EPB41L3: variants seen among roughly 807,000 people sequenced by gnomAD.
EPB41L3 encodes band 4.1-like protein 3.
A neutral mutation model predicts 127.1 loss-of-function variants in EPB41L3; 57 were observed. The ratio of observed to expected loss-of-function variants is 0.45; its 90% CI spans 0.36 to 0.56. EPB41L3 has a LOEUF of 0.56. Ranked by LOEUF, EPB41L3 falls within the 20% of genes least tolerant of loss-of-function variation. The pLI is 0.00. For synonymous variants in EPB41L3, 572 were observed against 549.5 expected, an observed-to-expected ratio of 1.04 and a Z score of -0.57; for missense variants, 1,273 against 1,372.2, an observed-to-expected ratio of 0.93 and a Z score of 1.14.
At chr18:5,474,091 C>T (rs1016008428) in intron 3 of EPB41L3, among the ~76,000 whole-genome samples, 2 of 151,804 alleles carry the variant, frequency 1.3e-5, no homozygotes, top group East Asian at 1.9e-4. Flanking sequence ...ATTAGCCGGG[C>T]GTGGTGGTGG....
At chr18:5,508,628 A>G (rs2092348851) in intron 1 of EPB41L3, among the ~76,000 whole-genome samples, 1 of 151,864 alleles carries the variant, frequency 6.6e-6, no homozygotes, top group Admixed American at 6.6e-5. Context: ...TTAGCCGGGC[A>G]TGGAGGCAGG....
chr18:5,594,439 A>G (rs1302708972), intron 3 of EPB41L3, among the ~76,000 whole-genome samples: 1 of 152,254 alleles, frequency 6.6e-6, no homozygotes, highest in Non-Finnish European at 1.5e-5. Context: ...TAAGAGGTAC[A>G]TAAGAAAATA....
chr18:5,543,436 T>C lies in EPB41L3; in HGVS notation c.-12+477A>G, dbSNP rs1277230704. On this transcript the variant is annotated intron_variant, in intron 1 of 22. Coordinates refer to ENST00000341928, the MANE Select transcript of EPB41L3 (RefSeq NM_012307.5). This position sits in a 1 kb window ranked among gnomAD's most constrained non-coding sequence, Gnocchi z 5.2. Reference sequence around the variant, plus strand: ...GCCACCCGCCCGGGCGGCGCCGCAGTGTCGCCCCCTGTCCCCCGCACCTCC... The same window carrying C: ...GCCACCCGCCCGGGCGGCGCCGCAGCGTCGCCCCCTGTCCCCCGCACCTCC... 6.9e-6 allele frequency: 1 copy of C among 145,852 alleles called. No individual in the cohort carries two copies. The highest frequency in any genetic ancestry group is 2.0e-4 in the East Asian group (1 of 4,906). The allele number at this position is 145,852 out of a possible 1,614,324, so 9.0% of individuals were successfully genotyped here.
chr18:5,502,155 A>G (rs536562711), intron 1 of EPB41L3, among the ~76,000 whole-genome samples: 1 of 152,212 alleles, frequency 6.6e-6, no homozygotes, highest in Non-Finnish European at 1.5e-5. Context: ...TGTCCCACAC[A>G]ATGGACAAAA....
chr18:5,610,803 A>C (rs911630774), intron 3 of EPB41L3, among the ~76,000 whole-genome samples: 1 of 152,232 alleles, frequency 6.6e-6, no homozygotes, highest in Non-Finnish European at 1.5e-5. Flanking sequence ...ATAAGTTATT[A>C]TTATCTTTTT....
intron 5 of EPB41L3, among the ~76,000 whole-genome samples, chr18:5,442,583 A>G (rs1488401252): frequency 6.6e-6 from 1 of 152,200 alleles, no homozygotes; most frequent in African/African-American, 2.4e-5. Context: ...TTTTAATAGT[A>G]AACTGTTGAA....
chr18:5,425,485 G>T (rs1283563587), intron 9 of EPB41L3, among the ~76,000 whole-genome samples: 1 of 152,076 alleles, frequency 6.6e-6, no homozygotes, highest in African/African-American at 2.4e-5. Flanking sequence ...CACATATTAC[G>T]CCAATGCCAG....
chr18:5,464,396 C>T (rs937484074), intron 3 of EPB41L3, among the ~76,000 whole-genome samples: 1 of 152,148 alleles, frequency 6.6e-6, no homozygotes, highest in African/African-American at 2.4e-5. Flanking sequence ...GATCTGTGGT[C>T]AGGCTTTCTA....
intron 5 of EPB41L3, among the ~76,000 whole-genome samples, chr18:5,440,656 A>G (rs927952407): frequency 2.0e-5 from 3 of 152,250 alleles, no homozygotes; most frequent in Non-Finnish European, 4.4e-5. Context: ...GTTCATTCTT[A>G]TGAAAAATTT....
chr18:5,581,444 C>T (rs1453403411), intron 3 of EPB41L3, among the ~76,000 whole-genome samples: 1 of 152,072 alleles, frequency 6.6e-6, no homozygotes, highest in East Asian at 1.9e-4. Context: ...AAGGTAAATA[C>T]GTTATCATTT....
intron 1 of EPB41L3, among the ~76,000 whole-genome samples, chr18:5,493,724 A>G (rs1330333358): frequency 6.6e-6 from 1 of 152,038 alleles, no homozygotes; most frequent in African/African-American, 2.4e-5. Flanking sequence ...TTCTGGAAGG[A>G]ATTTTCTTCT....
At chr18:5,583,949 C>T (rs999164870) in intron 3 of EPB41L3, among the ~76,000 whole-genome samples, 29 of 152,148 alleles carry the variant, frequency 1.9e-4, no homozygotes, top group Admixed American at 1.8e-3. Context: ...GCTGGGATTA[C>T]AGGCATGCGC....
chr18:5,397,277 C>G lies in EPB41L3; in HGVS notation c.2622G>C (p.Ala874=), dbSNP rs372107087. Residue 874 remains alanine, a synonymous_variant, in exon 18 of 23, where the codon GCG becomes GCC. Transcript: ENST00000341928. This position sits in a 1 kb window ranked among gnomAD's most constrained non-coding sequence, Gnocchi z 4.1. ...GTGCTGCAGCATCCCCGCTGTCTCC[C>G]GCCGAGTAAGAAGCATCCCCACTCG... ...VHASGDASYS[A]GDSGDAAAQP... The G allele has an allele frequency of 4.0e-5, 65 of 1,614,140 alleles. No individual in the cohort carries two copies. The highest frequency in any genetic ancestry group is 1.7e-4 in the Middle Eastern group (1 of 6,060).
chr18:5,490,269 C>A (rs556330868), intron 1 of EPB41L3, among the ~76,000 whole-genome samples: 1 of 152,118 alleles, frequency 6.6e-6, no homozygotes, highest in Non-Finnish European at 1.5e-5. Flanking sequence ...TATTGTCATA[C>A]AATTTCCCTT....
At chr18:5,400,127 G>A (rs55997318) in intron 16 of EPB41L3, 3,740 of 159,378 alleles carry the variant, frequency 0.023, 70 homozygotes, top group South Asian at 0.07. Flanking sequence ...ACAGGCACAT[G>A]CCATTGTGCC....
At chr18:5,546,417 G>A (rs1297415994), upstream of EPB41L3, among the ~76,000 whole-genome samples, 2 of 151,966 alleles carry the variant, frequency 1.3e-5, no homozygotes, top group African/African-American at 4.8e-5. Context: ...TGTAATCCCA[G>A]CTACTCAGGA....
At chr18:5,448,088 C>T (rs909520608) in intron 3 of EPB41L3, among the ~76,000 whole-genome samples, 8 of 152,184 alleles carry the variant, frequency 5.3e-5, no homozygotes, top group African/African-American at 1.9e-4. Context: ...TTATTCGGGC[C>T]TCCATTTTCT....
intron 3 of EPB41L3, among the ~76,000 whole-genome samples, chr18:5,452,241 A>G (rs1274624578): frequency 1.3e-5 from 2 of 152,190 alleles, no homozygotes; most frequent in Admixed American, 6.5e-5. Flanking sequence ...CAACTTATAA[A>G]TTTTTAAATA....
intron 2 of EPB41L3, chr18:5,479,616 T>C (rs992586491): frequency 3.9e-5 from 6 of 152,192 alleles, no homozygotes; most frequent in African/African-American, 1.4e-4. Context: ...TCCAATTCTA[T>C]CTTGCCCAGG....
Sources: allele counts gnomAD v4.1 joint callset (sites outside exome capture counted in the v4.1 genomes callset), GRCh38; gene constraint gnomAD v4.1.1; non-coding constraint Gnocchi (gnomAD v3.1); transcripts MANE v1.5; gene names NCBI Gene and HGNC (gene_info 2026-07-23, HGNC 2026-07-21).